Variants in FBXL2 observed in about 807,000 individuals in gnomAD.
The protein encoded by FBXL2 is F-box and leucine rich repeat protein 2.
FBXL2 carries 38 observed loss-of-function variants against 69.2 expected under a neutral mutation model. The observed-to-expected ratio is 0.55, with a 90% CI of 0.42 to 0.72. FBXL2 has a LOEUF of 0.72. Among genes scored for constraint, FBXL2 ranks in the 30% least tolerant of loss-of-function variants. The probability of loss-of-function intolerance (pLI) is 0.00; values close to 1 mark genes in which losing one functional copy is unlikely to be tolerated. For synonymous variants in FBXL2, 192 were observed against 201.3 expected (o/e 0.95, Z 0.39); for missense variants, 354 against 520.3 (o/e 0.68, Z 3.11).
chr3:33,291,349 A>G (rs1048168806), intron 1 of FBXL2, among the ~76,000 whole-genome samples: 1 of 152,230 alleles, frequency 6.6e-6, no homozygotes, highest in African/African-American at 2.4e-5. Context: ...CAATTTGTCT[A>G]CATCAGACCT....
chr3:33,381,454 G>T (rs2043053499), intron 13 of FBXL2, among the ~76,000 whole-genome samples: 1 of 152,080 alleles, frequency 6.6e-6, no homozygotes, highest in African/African-American at 2.4e-5. Context: ...AGACCAGCCT[G>T]ACCAACATGG....
intron 12 of FBXL2, among the ~76,000 whole-genome samples, chr3:33,402,427 T>G (rs995188361): frequency 1.3e-5 from 2 of 152,226 alleles, no homozygotes; most frequent in African/African-American, 4.8e-5. Flanking sequence ...ATAACCCATT[T>G]GATATAAGCA....
chr3:33,312,694 ATTAT>A (rs947821696), intron 2 of FBXL2, among the ~76,000 whole-genome samples: 11 of 152,074 alleles, frequency 7.2e-5, no homozygotes, highest in Admixed American at 2.0e-4. Flanking sequence ...TATTTAACTT[ATTAT>A]TTATTTATTT....
Position 33,383,895 on chromosome 3 carries a change from A to G in FBXL2, c.952-94A>G, listed in dbSNP as rs78432845. ...CATTCTTGCTGTGTCATCCCATTGC[A>G]GAAGGGCAAAAAGGCTAGCTTCCAG... On this transcript the variant is annotated intron_variant, in intron 13 of 14. Coordinates refer to ENST00000484457, the MANE Select transcript of FBXL2 (RefSeq NM_012157.5). 1.4e-3 allele frequency: 1,633 copies of G among 1,187,652 alleles called. 4 individuals carry two copies. Among genetic ancestry groups the G allele is most frequent in the Non-Finnish European group, 1.9e-3 (1,529 of 810,008 alleles). The allele number at this position is 1,187,652 out of a possible 1,614,324, so 73.6% of individuals were successfully genotyped here. A position where few individuals can be genotyped will look rare whatever the true frequency, so the allele number is the denominator to read the frequency against.
chr3:33,365,739 A>G (rs1474761270), intron 5 of FBXL2, among the ~76,000 whole-genome samples: 1 of 135,014 alleles, frequency 7.4e-6, no homozygotes, highest in Non-Finnish European at 1.6e-5. Context: ...ACAAACAAAC[A>G]AACAAACAAA....
intron 2 of FBXL2, among the ~76,000 whole-genome samples, chr3:33,304,819 G>A (rs1005544387): frequency 1.3e-5 from 2 of 151,884 alleles, no homozygotes; most frequent in Non-Finnish European, 2.9e-5. Flanking sequence ...TAGTGTTGTC[G>A]CATGTCTTAA....
At chr3:33,402,883 G>T (rs756737013) in intron 12 of FBXL2, 2 of 1,610,338 alleles carry the variant, frequency 1.2e-6, no homozygotes, top group Non-Finnish European at 1.7e-6. Flanking sequence ...TAGGCTGTGG[G>T]GGCATCGGGC....
At position 33,385,803 on chromosome 3, in the gene FBXL2, T is replaced by C. The variant is rs1476885241; in HGVS notation, c.*195T>C. The stretch of plus-strand genomic sequence containing the variant: ...TTTATTCTGCTGTGAAACAATCAAA[T>C]CAAAGCCTTGTGTCAGTTAACACAT... On this transcript the variant is annotated 3_prime_UTR_variant, in exon 15 of 15. Coordinates refer to ENST00000484457, the MANE Select transcript of FBXL2 (RefSeq NM_012157.5). The C allele has an allele frequency of 3.4e-6, 2 of 590,658 alleles. No individual in the cohort carries two copies. The highest frequency in any genetic ancestry group is 3.0e-6 in the Non-Finnish European group (1 of 331,048). The allele number at this position is 590,658 out of a possible 1,614,324, so 36.6% of individuals were successfully genotyped here. A position where few individuals can be genotyped will look rare whatever the true frequency, so the allele number is the denominator to read the frequency against.
chr3:33,335,119 T>TAATAAG (rs1559559157), intron 2 of FBXL2, among the ~76,000 whole-genome samples: 1 of 148,994 alleles, frequency 6.7e-6, no homozygotes, highest in African/African-American at 2.5e-5. Flanking sequence ...ATAATAATAA[T>TAATAAG]AAGAAGAAGA....
At chr3:33,400,050 T>C (rs1211035602) in intron 12 of FBXL2, 5 of 479,626 alleles carry the variant, frequency 1.0e-5, no homozygotes, top group African/African-American at 2.0e-5. Context: ...GGGATAGATA[T>C]AAAGAACTTC....
intron 2 of FBXL2, among the ~76,000 whole-genome samples, chr3:33,311,032 C>T (rs1418200400): frequency 6.6e-6 from 1 of 152,176 alleles, no homozygotes; most frequent in Non-Finnish European, 1.5e-5. Context: ...CCACCTCGGC[C>T]TCCCAAAGTG....
chr3:33,384,479 C>T (rs1322788836), intron 14 of FBXL2, among the ~76,000 whole-genome samples: 7 of 151,658 alleles, frequency 4.6e-5, no homozygotes, highest in South Asian at 2.1e-4. Context: ...GAGAATCACC[C>T]GAACCTGGGA....
intron 12 of FBXL2, among the ~76,000 whole-genome samples, chr3:33,401,521 C>T (rs2044228530): frequency 6.6e-6 from 1 of 152,144 alleles, no homozygotes; most frequent in South Asian, 2.1e-4. Context: ...AAGAAATTAA[C>T]TTGTACCACT....
At chr3:33,326,922 C>T (rs1236023121) in intron 2 of FBXL2, among the ~76,000 whole-genome samples, 3 of 152,186 alleles carry the variant, frequency 2.0e-5, no homozygotes, top group Admixed American at 6.5e-5. Flanking sequence ...AAAGTTGTCA[C>T]ATTCTGAAGC....
intron 2 of FBXL2, among the ~76,000 whole-genome samples, chr3:33,339,020 C>T (rs982368075): frequency 4.6e-5 from 7 of 152,084 alleles, no homozygotes; most frequent in African/African-American, 1.7e-4. Flanking sequence ...TATTTGCAAA[C>T]TATGCACCTG....
At chr3:33,344,103 C>T (rs1466208001) in intron 2 of FBXL2, among the ~76,000 whole-genome samples, 6 of 149,542 alleles carry the variant, frequency 4.0e-5, no homozygotes, top group African/African-American at 1.2e-4. Context: ...AGATAACACT[C>T]ATAATACAAA....
chr3:33,341,214 A>C (rs1287855149), intron 2 of FBXL2, among the ~76,000 whole-genome samples: 3 of 152,170 alleles, frequency 2.0e-5, no homozygotes, highest in African/African-American at 7.2e-5. Context: ...AATTTTATAG[A>C]TCCAACTACC....
intron 12 of FBXL2, chr3:33,393,575 A>G: frequency 1.1e-6 from 1 of 890,194 alleles, no homozygotes; most frequent in Non-Finnish European, 1.6e-6. Context: ...GTAAAAAAAC[A>G]TTTTAAATGG....
intron 2 of FBXL2, among the ~76,000 whole-genome samples, chr3:33,345,364 C>CT (rs923560942): frequency 1.6e-4 from 25 of 152,080 alleles, no homozygotes; most frequent in African/African-American, 4.6e-4. Context: ...ACAAATACAT[C>CT]TTTTTTTGGT....
Sources: allele counts gnomAD v4.1 joint callset (sites outside exome capture counted in the v4.1 genomes callset), GRCh38; gene constraint gnomAD v4.1.1; transcripts MANE v1.5; gene names NCBI Gene and HGNC (gene_info 2026-07-23, HGNC 2026-07-21).